TKTL1: variants seen among roughly 807,000 people sequenced by gnomAD.
The protein encoded by TKTL1 is transketolase-like protein 1.
A neutral mutation model predicts 39.3 loss-of-function variants in TKTL1; 1 was observed. The ratio of observed to expected loss-of-function variants is 0.03; its 90% CI spans 0.01 to 0.12. The LOEUF is 0.12. TKTL1 is among the 10% of genes least tolerant of loss of function. TKTL1 has a pLI of 1.00. For synonymous variants in TKTL1, 262 were observed against 193.8 expected (o/e 1.35, Z -2.92); for missense variants, 575 against 509.6 (o/e 1.13, Z -1.24).
At chrX:154,324,603 G>A (rs1557171559) in intron 9 of TKTL1, among the ~76,000 whole-genome samples, 1 of 111,727 alleles carries the variant, frequency 9.0e-6, no homozygotes, top group African/African-American at 3.3e-5. Context: ...CTGGAAGGAG[G>A]CACAAGGGAA....
At position 154,310,829 on chromosome X, in the gene TKTL1, G is replaced by C. The variant is rs782666458; in HGVS notation, c.351-7G>C. 17 of 1,205,516 alleles carry C rather than the reference G, an allele frequency of 1.4e-5. No individual in the cohort carries two copies. The highest frequency in any genetic ancestry group is 1.6e-5 in the Non-Finnish European group (14 of 892,312). On this transcript the variant is annotated splice_polypyrimidine_tract_variant and splice_region_variant and intron_variant, in intron 3 of 12. Transcript: ENST00000369915. ...CAGGGTCCTAAACCTCTCTTGTCTT[G>C]CTCCAGCTACCGGGTGTTCTGCCTC...
chrX:154,319,436 A>G (rs1557170138), intron 7 of TKTL1, among the ~76,000 whole-genome samples: 1 of 111,644 alleles, frequency 9.0e-6, no homozygotes, highest in Admixed American at 9.5e-5. Context: ...CTAGAAGGTG[A>G]TTGTTAAAAG....
chrX:154,301,755 CTT>C (rs782331518), intron 1 of TKTL1, among the ~76,000 whole-genome samples: 16 of 90,438 alleles, frequency 1.8e-4, no homozygotes, highest in Admixed American at 2.4e-4. Flanking sequence ...CATTTTCTTT[CTT>C]TTTTTTTTTT....
chrX:154,314,139 C>T (rs2067379077), intron 6 of TKTL1, among the ~76,000 whole-genome samples: 1 of 110,909 alleles, frequency 9.0e-6, no homozygotes, highest in Non-Finnish European at 1.9e-5. Context: ...AAGCACCAGG[C>T]TCACCAGGTT....
chrX:154,299,713 C>A (rs1238473098), intron 1 of TKTL1, among the ~76,000 whole-genome samples: 1 of 111,413 alleles, frequency 9.0e-6, no homozygotes, highest in Non-Finnish European at 1.9e-5. Context: ...GTTTTCTATT[C>A]CTGAGTTACT....
chrX:154,296,206 T>TGGTC (rs1182783234), intron 1 of TKTL1, among the ~76,000 whole-genome samples: 1 of 110,681 alleles, frequency 9.0e-6, no homozygotes, highest in East Asian at 2.8e-4. Flanking sequence ...GTCGGTTGGT[T>TGGTC]GGTCAGCCGC....
chrX:154,300,108 C>T (rs782052808), intron 1 of TKTL1, among the ~76,000 whole-genome samples: 1 of 108,878 alleles, frequency 9.2e-6, no homozygotes, highest in East Asian at 2.9e-4. Flanking sequence ...CTCTGCTGTC[C>T]GGGTTCAAGC....
intron 8 of TKTL1, among the ~76,000 whole-genome samples, chrX:154,322,555 A>T (rs1342235853): frequency 1.6e-4 from 18 of 111,225 alleles, no homozygotes; most frequent in African/African-American, 4.6e-4. Context: ...TAATTTTTTT[A>T]AAAAAAGAGC....
At chrX:154,318,584 T>C (rs1196256229) in intron 7 of TKTL1, among the ~76,000 whole-genome samples, 3 of 107,187 alleles carry the variant, frequency 2.8e-5, no homozygotes, top group Middle Eastern at 4.7e-3. Context: ...GGTGGGTGCC[T>C]GTAGTCCCAG....
Position 154,311,012 on chromosome X carries a change from G to T in TKTL1, c.527G>T (p.Arg176Leu). The T allele has an allele frequency of 2.5e-6, 3 of 1,211,950 alleles. No individual in the cohort carries two copies. The highest frequency in any genetic ancestry group is 1.8e-5 in the South Asian group (1 of 57,005). ...AEHCINIYQR[R>L]CEAFGWNTYV... Reference sequence around the variant, plus strand: ...CACTGCATAAACATCTATCAGAGGCGCTGCGAAGCCTTTGGGTAACTGTAT... The same window carrying T: ...CACTGCATAAACATCTATCAGAGGCTCTGCGAAGCCTTTGGGTAACTGTAT... The change falls in exon 4 of 13, where the codon CGC becomes CTC. Residue 176 changes from arginine to leucine, a missense_variant. By Grantham distance (102) the Arg-to-Leu change is moderately radical. Transcript: ENST00000369915.
chrX:154,320,440 C>G (rs1200226575), intron 7 of TKTL1: 3 of 292,551 alleles, frequency 1.0e-5, no homozygotes, highest in Non-Finnish European at 1.8e-5. Context: ...GCTGGAGACC[C>G]CTGTGAGAAA....
chrX:154,311,390 T>C, intron 5 of TKTL1, 152 bp downstream of exon 5: 2 of 781,426 alleles, frequency 2.6e-6, no homozygotes, highest in Non-Finnish European at 3.7e-6. Flanking sequence ...CCTGCTCTCT[T>C]ATTTTCACTA....
At chrX:154,320,735 A>AT in intron 7 of TKTL1, 22 bp from the exon 8 acceptor site, 1 of 1,208,838 alleles carries the variant, frequency 8.3e-7, no homozygotes. Context: ...GGATGTTCTG[A>AT]TTCATGTTCT....
chrX:154,323,145 G>A, intron 8 of TKTL1, 62 bp from the exon 9 acceptor site: 1 of 1,176,404 alleles, frequency 8.5e-7, no homozygotes, highest in Non-Finnish European at 1.1e-6. Context: ...GCTAGAAGTG[G>A]GTGGAGGGCA....
chrX:154,300,010 A>ATTTTTTTTTTTTTTT (rs1169453325), intron 1 of TKTL1, among the ~76,000 whole-genome samples: 1 of 86,683 alleles, frequency 1.2e-5, no homozygotes. Flanking sequence ...TACTTTTAGT[A>ATTTTTTTTTTTTTTT]TTTTTTTTTT....
intron 5 of TKTL1, among the ~76,000 whole-genome samples, chrX:154,311,669 A>G (rs2067358756): frequency 8.9e-6 from 1 of 111,808 alleles, no homozygotes; most frequent in Non-Finnish European, 1.9e-5. Flanking sequence ...CAACTATCAC[A>G]TTTCAAGGCT....
chrX:154,324,804 G>A (rs2067480874), intron 9 of TKTL1, among the ~76,000 whole-genome samples: 2 of 112,113 alleles, frequency 1.8e-5, no homozygotes, highest in African/African-American at 6.5e-5. Context: ...CGTTTATAAT[G>A]CATCCATTAA....
intron 1 of TKTL1, among the ~76,000 whole-genome samples, chrX:154,297,585 T>C (rs889964955): frequency 9.0e-6 from 1 of 111,680 alleles, no homozygotes; most frequent in Non-Finnish European, 1.9e-5. Context: ...AGTATTTGCT[T>C]TTGGTATCAA....
At chrX:154,305,051 C>A in intron 1 of TKTL1, 1 of 1,114,449 alleles carries the variant, frequency 9.0e-7, no homozygotes, top group Admixed American at 2.7e-5. Context: ...GTCAGAGGCA[C>A]AAAGGAAACT....
Sources: allele counts gnomAD v4.1 joint callset (sites outside exome capture counted in the v4.1 genomes callset), GRCh38; gene constraint gnomAD v4.1.1; transcripts MANE v1.5; gene names NCBI Gene and HGNC (gene_info 2026-07-23, HGNC 2026-07-21).